Variants in GRAMD1C observed in about 807,000 individuals in gnomAD.
GRAMD1C encodes GRAM domain containing 1C.
GRAMD1C carries 89 observed loss-of-function variants against 97.8 expected under a neutral mutation model. The observed-to-expected ratio is 0.91, with a 90% CI of 0.77 to 1.09. The LOEUF is 1.09. Ranked by LOEUF, GRAMD1C falls within the 50% of genes least tolerant of loss-of-function variation. GRAMD1C has a pLI of 0.00. For synonymous variants in GRAMD1C, 256 were observed against 267.0 expected (o/e 0.96, Z 0.40); for missense variants, 740 against 766.4 (o/e 0.97, Z 0.41).
chr3:113,877,479 T>C (rs2712355), intron 5 of GRAMD1C, among the ~76,000 whole-genome samples: 67,915 of 151,994 alleles, frequency 0.45, 15,310 homozygotes, highest in African/African-American at 0.47. Flanking sequence ...GGAAGAGCTC[T>C]TTCGTCTTTT....
At chr3:113,907,924 T>C (rs1577191345) in intron 8 of GRAMD1C, among the ~76,000 whole-genome samples, 1 of 152,196 alleles carries the variant, frequency 6.6e-6, no homozygotes, top group East Asian at 1.9e-4. Context: ...GCACGTTGCT[T>C]TATAGTGTGG....
chr3:113,834,956 A>G (rs1023101229), upstream of GRAMD1C, among the ~76,000 whole-genome samples: 1 of 134,828 alleles, frequency 7.4e-6, no homozygotes, highest in Admixed American at 7.5e-5. Flanking sequence ...AAAAAAAAAA[A>G]GACACTGATA....
intron 2 of GRAMD1C, among the ~76,000 whole-genome samples, chr3:113,852,595 G>A (rs1397251797): frequency 2.0e-5 from 3 of 151,760 alleles, no homozygotes; most frequent in Non-Finnish European, 4.4e-5. Context: ...AAACAGCGAG[G>A]GAAATATACC....
chr3:113,869,830 C>T (rs778839611), intron 3 of GRAMD1C, among the ~76,000 whole-genome samples: 8 of 151,686 alleles, frequency 5.3e-5, no homozygotes, highest in Non-Finnish European at 7.4e-5. Context: ...TTGACAATAC[C>T]GAAGATATGG....
intron 9 of GRAMD1C, among the ~76,000 whole-genome samples, chr3:113,911,687 C>G (rs916634737): frequency 8.5e-6 from 1 of 118,054 alleles, no homozygotes; most frequent in African/African-American, 2.8e-5. Flanking sequence ...CTCTTTCTCT[C>G]TCTGTTTCTT....
At chr3:113,851,863 CTTTATTTA>C (rs553884730) in intron 2 of GRAMD1C, among the ~76,000 whole-genome samples, 1 of 150,750 alleles carries the variant, frequency 6.6e-6, no homozygotes, top group African/African-American at 2.4e-5. Context: ...TTATTCTGTA[CTTTATTTA>C]TTTATTTATT....
chr3:113,916,094 G>T (rs534926540), intron 10 of GRAMD1C, among the ~76,000 whole-genome samples: 2 of 152,272 alleles, frequency 1.3e-5, no homozygotes, highest in South Asian at 4.1e-4. Context: ...TATTCATTAA[G>T]GTACCAATTC....
Position 113,872,321 on chromosome 3 carries a change from T to C in GRAMD1C, c.259+2730T>C, listed in dbSNP as rs1368209521. Among the ~76,000 whole-genome samples the C allele has an allele frequency of 2.6e-5, 4 of 152,182 alleles. No individual in the cohort carries two copies. In the East Asian group the frequency reaches 7.7e-4, roughly 29 times the overall value. Reference sequence around the variant, plus strand: ...ATGGGAACAGACTGTGATTATTGTTTTGAATCTTGCTTAGATCTCTTTTTT... The same window carrying C: ...ATGGGAACAGACTGTGATTATTGTTCTGAATCTTGCTTAGATCTCTTTTTT... On this transcript the variant is annotated intron_variant, in intron 3 of 17. Coordinates refer to ENST00000358160, the MANE Select transcript of GRAMD1C (RefSeq NM_017577.5).
Position 113,904,203 on chromosome 3 carries a change from C to G in GRAMD1C, c.720C>G (p.Ile240Met). ...GERDEKLSKS[I>M]SFTSESISRV... Reference sequence around the variant, plus strand: ...GAGATGAAAAATTATCCAAGTCAATCAGTTTTACCAGTGAATCAATTAGTC... The same window carrying G: ...GAGATGAAAAATTATCCAAGTCAATGAGTTTTACCAGTGAATCAATTAGTC... Residue 240 changes from isoleucine (I) to methionine (M), a missense_variant, in exon 8 of 18, where the codon ATC becomes ATG. Transcript: ENST00000358160. The G allele has an allele frequency of 6.2e-7, 1 of 1,605,644 alleles. No individual in the cohort carries two copies. The highest frequency in any genetic ancestry group is 8.5e-7 in the Non-Finnish European group (1 of 1,172,378).
At chr3:113,878,348 T>C (rs1005115645) in intron 5 of GRAMD1C, among the ~76,000 whole-genome samples, 4 of 152,154 alleles carry the variant, frequency 2.6e-5, no homozygotes, top group African/African-American at 9.7e-5. Context: ...TTTCAGGCTT[T>C]CCCTCCCCCA....
chr3:113,839,985 C>G (rs908126537), intron 1 of GRAMD1C, among the ~76,000 whole-genome samples: 9 of 152,018 alleles, frequency 5.9e-5, no homozygotes, highest in African/African-American at 1.9e-4. Flanking sequence ...GGAGTAGAAA[C>G]TGATGATGCC....
chr3:113,861,597 T>A (rs912068694), intron 2 of GRAMD1C, among the ~76,000 whole-genome samples: 15 of 152,218 alleles, frequency 9.9e-5, no homozygotes, highest in Middle Eastern at 3.4e-3. Context: ...TGAGAAAATA[T>A]CTGCAAATAT....
chr3:113,892,279 C>G (rs1358725126), intron 6 of GRAMD1C, among the ~76,000 whole-genome samples: 1 of 152,058 alleles, frequency 6.6e-6, no homozygotes, highest in Non-Finnish European at 1.5e-5. Context: ...TGAGACCAGC[C>G]TGGCCAACAT....
intron 2 of GRAMD1C, among the ~76,000 whole-genome samples, chr3:113,865,839 C>G (rs1287037084): frequency 3.3e-5 from 5 of 152,072 alleles, no homozygotes; most frequent in South Asian, 2.1e-4. Flanking sequence ...AGCTGTCAAG[C>G]AATCTGGAAT....
At position 113,841,289 on chromosome 3, in the gene GRAMD1C, T is replaced by TTTTTTTC. The variant is rs1161145779; in HGVS notation, c.27+2359_27+2360insCTTTTTT. 2.3e-5 allele frequency among the ~76,000 whole-genome samples: 3 copies of TTTTTTTC among 132,236 alleles called. 1 individual carries two copies. The East Asian group carries it at 6.6e-4, about 29-fold the overall frequency. The allele number at this position is 132,236 out of a possible 152,430, so 86.8% of individuals were successfully genotyped here. On this transcript the variant is annotated intron_variant, in intron 1 of 17. Transcript: ENST00000358160. ...AAAGTACTTCTTTCTTTCTTTCTTT[T>TTTTTTTC]TTTTTTTTTTTTGCGAGACAGAGTC...
intron 6 of GRAMD1C, chr3:113,885,871 ACAGGAGCCATC>A: frequency 6.2e-7 from 1 of 1,612,518 alleles, no homozygotes; most frequent in Non-Finnish European, 8.5e-7. Context: ...CTAGGGGCTT[ACAGGAGCCATC>A]CAGACAATGC....
intron 13 of GRAMD1C, among the ~76,000 whole-genome samples, chr3:113,935,361 A>G (rs1376731442): frequency 6.6e-6 from 1 of 151,996 alleles, no homozygotes; most frequent in African/African-American, 2.4e-5. Flanking sequence ...TCCTGGGCTT[A>G]TGCAGCCCAC....
At chr3:113,931,840 C>T (rs1000852595) in intron 11 of GRAMD1C, among the ~76,000 whole-genome samples, 11 of 152,152 alleles carry the variant, frequency 7.2e-5, no homozygotes, top group East Asian at 1.9e-4. Flanking sequence ...GCAGGAGGAT[C>T]GCTTGAGCCC....
chr3:113,838,969 A>T, intron 1 of GRAMD1C, 33 bp downstream of exon 1: 1 of 1,229,842 alleles, frequency 8.1e-7, no homozygotes, highest in Non-Finnish European at 1.0e-6. Flanking sequence ...GCAGGTTCCC[A>T]TCTGTGGCTT....
Sources: allele counts gnomAD v4.1 joint callset (sites outside exome capture counted in the v4.1 genomes callset), GRCh38; gene constraint gnomAD v4.1.1; transcripts MANE v1.5; gene names NCBI Gene and HGNC (gene_info 2026-07-23, HGNC 2026-07-21).